The following SNX9 variants were observed in gnomAD, a reference collection of about 807,000 sequenced individuals.
SNX9 encodes sorting nexin 9, also known as sorting nexin-9.
SNX9 carries 44 observed loss-of-function variants against 89.4 expected under a neutral mutation model. The observed-to-expected ratio is 0.49, with a 90% CI of 0.39 to 0.63. SNX9 has a LOEUF of 0.63. SNX9 is among the 30% of genes least tolerant of loss of function. The pLI, the probability that SNX9 is intolerant of heterozygous loss-of-function variation, is 0.00. For missense variants in SNX9, 578 were observed against 736.1 expected (o/e 0.79, Z 2.49); for synonymous variants, 236 against 247.8 (o/e 0.95, Z 0.45).
chr6:157,902,164 G>A, intron 6 of SNX9, 119 bp downstream of exon 6: 1 of 846,124 alleles, frequency 1.2e-6, no homozygotes, highest in Non-Finnish European at 1.6e-6. Flanking sequence ...CCTAAGTTTT[G>A]GATATGATTC....
chr6:157,883,003 A>G (rs560088257), intron 4 of SNX9, among the ~76,000 whole-genome samples: 9 of 152,174 alleles, frequency 5.9e-5, no homozygotes, highest in Non-Finnish European at 1.2e-4. Context: ...ATCTTTCATG[A>G]AAGGAAGAGT....
chr6:157,823,423 G>C lies in SNX9; in HGVS notation c.-12G>C. On this transcript the variant is annotated 5_prime_UTR_variant, in exon 1 of 18. Transcript: ENST00000392185. The surrounding 1 kb of genome is among the most constrained non-coding windows in gnomAD (Gnocchi z 4.6). ...ACGAGCCGGCCGTCCCGGGCCGGGG[G>C]ACCCGCCCGCCATGGCCACCAAGGT... 1 of 1,249,798 alleles carries C rather than the reference G, an allele frequency of 8.0e-7. No individual in the cohort carries two copies. Among genetic ancestry groups the C allele is most frequent in the Non-Finnish European group, 1.0e-6 (1 of 996,310 alleles). 77.4% of individuals were successfully genotyped at this position (1,249,798 alleles called of 1,614,324 possible).
At chr6:157,870,478 C>T (rs1782378130) in intron 2 of SNX9, among the ~76,000 whole-genome samples, 1 of 151,554 alleles carries the variant, frequency 6.6e-6, no homozygotes, top group African/African-American at 2.4e-5. Context: ...CACATACACC[C>T]TGCAGATAGT....
chr6:157,939,885 G>C (rs1784000066), intron 16 of SNX9, among the ~76,000 whole-genome samples: 1 of 152,144 alleles, frequency 6.6e-6, no homozygotes, highest in African/African-American at 2.4e-5. Context: ...TGGAGGGTTT[G>C]GGAGAAGGCG....
chr6:157,849,388 C>T (rs959717549), intron 1 of SNX9, among the ~76,000 whole-genome samples: 1 of 152,158 alleles, frequency 6.6e-6, no homozygotes, highest in African/African-American at 2.4e-5. Flanking sequence ...ATGTTGAGCA[C>T]CTACTGTGTT....
intron 7 of SNX9, among the ~76,000 whole-genome samples, chr6:157,908,602 AT>A (rs1236328839): frequency 6.6e-6 from 1 of 152,198 alleles, no homozygotes; most frequent in East Asian, 1.9e-4. Flanking sequence ...AAGCCTGTAC[AT>A]GAGCTCCAGC....
intron 4 of SNX9, among the ~76,000 whole-genome samples, chr6:157,895,679 A>G (rs1438681337): frequency 2.0e-5 from 3 of 152,218 alleles, no homozygotes; most frequent in Non-Finnish European, 4.4e-5. Flanking sequence ...CTTAGTGTTT[A>G]AAAACAAAAA....
At chr6:157,896,775 C>A in intron 4 of SNX9, 52 bp from the exon 5 acceptor site, 2 of 1,597,848 alleles carry the variant, frequency 1.3e-6, no homozygotes, top group South Asian at 2.2e-5. Context: ...TGAATTGAGT[C>A]ATGGTTTCCA....
chr6:157,840,003 A>G (rs1293440757), intron 1 of SNX9, among the ~76,000 whole-genome samples: 3 of 152,210 alleles, frequency 2.0e-5, no homozygotes, highest in African/African-American at 7.2e-5. Context: ...AGGTGAAAAA[A>G]AACAAGAAAG....
chr6:157,916,514 G>A (rs955565497), intron 9 of SNX9, among the ~76,000 whole-genome samples: 1 of 152,164 alleles, frequency 6.6e-6, no homozygotes, highest in African/African-American at 2.4e-5. Context: ...TGATCTTAGG[G>A]ACAAAGCATT....
rs1265327577 is a variant in SNX9, at chr6:157,823,836, G to A, written c.12+390G>A. Among the ~76,000 whole-genome samples, 1 of 151,984 alleles carries A rather than the reference G, an allele frequency of 6.6e-6. No individual in the cohort carries two copies. Among genetic ancestry groups the A allele is most frequent in the Non-Finnish European group, 1.5e-5 (1 of 67,946 alleles). On this transcript the variant is annotated intron_variant, in intron 1 of 17. Coordinates refer to ENST00000392185, the MANE Select transcript of SNX9 (RefSeq NM_016224.5). The surrounding 1 kb of genome is among the most constrained non-coding windows in gnomAD (Gnocchi z 4.6). Reference sequence around the variant, plus strand: ...GCGCTCTGTGGCGTCCGGCGTCCCCGCCGCCCCCACGTCCCCTCCCGCTGC... The same window carrying A: ...GCGCTCTGTGGCGTCCGGCGTCCCCACCGCCCCCACGTCCCCTCCCGCTGC...
At chr6:157,890,753 A>G (rs16900494) in intron 4 of SNX9, among the ~76,000 whole-genome samples, 17,694 of 152,250 alleles carry the variant, frequency 0.12, 1,565 homozygotes, top group African/African-American at 0.25. Flanking sequence ...AATGGAGCTC[A>G]GACGAGAGTG....
At chr6:157,920,942 T>C (rs1037894501) in intron 9 of SNX9, among the ~76,000 whole-genome samples, 3 of 152,232 alleles carry the variant, frequency 2.0e-5, no homozygotes, top group African/African-American at 7.2e-5. Context: ...ATTCCTTTGG[T>C]ATTTCAGTTT....
At chr6:157,903,704 G>T (rs1436619178) in intron 6 of SNX9, among the ~76,000 whole-genome samples, 1 of 152,212 alleles carries the variant, frequency 6.6e-6, no homozygotes, top group African/African-American at 2.4e-5. Flanking sequence ...GGGGGTCTCT[G>T]ACTCTGGTTT....
intron 1 of SNX9, among the ~76,000 whole-genome samples, chr6:157,854,923 A>T (rs1417213047): frequency 1.3e-5 from 2 of 151,038 alleles, no homozygotes; most frequent in African/African-American, 4.9e-5. Flanking sequence ...TTAAATTTTT[A>T]ATTTTTTTGA....
intron 1 of SNX9, among the ~76,000 whole-genome samples, chr6:157,855,427 C>A (rs1478009182): frequency 1.3e-5 from 2 of 152,286 alleles, no homozygotes; most frequent in East Asian, 3.9e-4. Context: ...CGTTAAGATA[C>A]ATGTGTGTTT....
intron 4 of SNX9, among the ~76,000 whole-genome samples, chr6:157,876,516 A>G (rs1481930435): frequency 6.6e-6 from 1 of 152,250 alleles, no homozygotes; most frequent in Non-Finnish European, 1.5e-5. Flanking sequence ...TACTAACTGC[A>G]GGTTTTATAC....
Position 157,828,809 on chromosome 6 carries a change from C to T in SNX9, c.12+5363C>T, listed in dbSNP as rs77666965. Among the ~76,000 whole-genome samples the T allele has an allele frequency of 4.9e-3, 740 of 152,240 alleles. 8 individuals are homozygous for T. Among genetic ancestry groups the T allele is most frequent in the African/African-American group, 0.017 (710 of 41,520 alleles). On this transcript the variant is annotated intron_variant, in intron 1 of 17. Transcript: ENST00000392185. The stretch of plus-strand genomic sequence containing the variant: ...GTCTTAATGCGTCTAAGCATCACTT[C>T]CCCGGGAAAGCCTTTCCTGATGTCC...
chr6:157,941,529 CAG>C (rs1481482588), intron 17 of SNX9, among the ~76,000 whole-genome samples: 3 of 152,144 alleles, frequency 2.0e-5, no homozygotes, highest in Admixed American at 2.0e-4. Context: ...TGTTGTTTAC[CAG>C]AGTCTATAGA....
Sources: gnomAD v4.1 joint callset for allele counts (sites outside exome capture counted in the v4.1 genomes callset) on GRCh38, gnomAD v4.1.1 for gene constraint, Gnocchi (gnomAD v3.1) non-coding constraint, MANE v1.5 for transcripts, NCBI Gene and HGNC (gene_info 2026-07-23, HGNC 2026-07-21) for gene names.